HMCN2: variants seen among roughly 807,000 people sequenced by gnomAD.
HMCN2 encodes hemicentin 2, also known as hemicentin-2.
Under a neutral mutation model 377.5 loss-of-function variants are expected in HMCN2, and 325 were observed. That is an observed-to-expected ratio of 0.86 (90% CI 0.79 to 0.94). HMCN2 has a LOEUF of 0.94. HMCN2 is among the 40% of genes least tolerant of loss of function. The pLI is 0.00. For missense variants in HMCN2, 4,543 were observed against 4,725.3 expected, an observed-to-expected ratio of 0.96 and a Z score of 1.13; for synonymous variants, 2,007 against 2,046.8, an observed-to-expected ratio of 0.98 and a Z score of 0.53.
At chr9:130,283,781 C>T (rs1052715229) in intron 1 of HMCN2, among the ~76,000 whole-genome samples, 1 of 152,146 alleles carries the variant, frequency 6.6e-6, no homozygotes, top group African/African-American at 2.4e-5. Flanking sequence ...CAACCTGGTT[C>T]TGTGAATTTA....
chr9:130,270,106 T>A lies in HMCN2; in HGVS notation c.259+3969T>A, dbSNP rs554859723. 2.7e-5 allele frequency among the ~76,000 whole-genome samples: 4 copies of A among 148,118 alleles called. 1 individual carries two copies. The highest frequency in any genetic ancestry group is 4.5e-5 in the Non-Finnish European group (3 of 65,948). On this transcript the variant is annotated intron_variant, in intron 1 of 97. Transcript: ENST00000683500. Reference sequence around the variant, plus strand: ...GATTACAGGCATGAGCTACCATGCCTGGCCTTAACTGTTTCTTTTTTTTTT... The same window carrying A: ...GATTACAGGCATGAGCTACCATGCCAGGCCTTAACTGTTTCTTTTTTTTTT...
At chr9:130,397,848 G>A (rs1283024073) in intron 74 of HMCN2, among the ~76,000 whole-genome samples, 193 bp downstream of exon 74, 6 of 152,078 alleles carry the variant, frequency 3.9e-5, no homozygotes, top group African/African-American at 1.2e-4. Flanking sequence ...CATATATTAC[G>A]TAACAGAACA....
rs1554937229 is a variant in HMCN2, at chr9:130,307,450, C to T, written c.2087-3C>T. On this transcript the variant is annotated splice_polypyrimidine_tract_variant and splice_region_variant and intron_variant, in intron 13 of 97. Coordinates refer to ENST00000683500, the MANE Select transcript of HMCN2 (RefSeq NM_001291815.2). ...CCAAATTCTGCATCTCTTCCCCACACAGACCCACCGTCGGTCTCTGCTGTA... is the reference window on the plus strand; with the variant it reads ...CCAAATTCTGCATCTCTTCCCCACATAGACCCACCGTCGGTCTCTGCTGTA... 2.1e-6 allele frequency: 1 copy of T among 471,018 alleles called. No individual in the cohort carries two copies. Among genetic ancestry groups the T allele is most frequent in the African/African-American group, 2.0e-5 (1 of 50,192 alleles). The allele number at this position is 471,018 out of a possible 1,614,324, so 29.2% of individuals were successfully genotyped here.
intron 18 of HMCN2, 139 bp from the exon 19 acceptor site, chr9:130,321,648 A>G (rs1361568939): frequency 3.3e-5 from 5 of 152,276 alleles, no homozygotes; most frequent in Non-Finnish European, 7.3e-5. Flanking sequence ...AGAGCTCCTC[A>G]GCCTTCTCTG....
rs2131807507 is a variant in HMCN2, at chr9:130,423,884, A to C, written c.13382-892A>C. On this transcript the variant is annotated intron_variant, in intron 87 of 97. Transcript: ENST00000683500. This position sits in a 1 kb window ranked among gnomAD's most constrained non-coding sequence, Gnocchi z 5.5. ...TTCAACTCAGCAAATATATAATGAC[A>C]GTCTGTGGAGTCCCTGGCTCCGTGG... is the stretch of plus-strand genomic sequence containing the variant. Among the ~76,000 whole-genome samples, 1 of 152,318 alleles carries C rather than the reference A, an allele frequency of 6.6e-6. No individual in the cohort carries two copies. The highest frequency in any genetic ancestry group is 1.9e-4 in the East Asian group (1 of 5,190).
At position 130,360,461 on chromosome 9, in the gene HMCN2, C is replaced by T. The variant is rs1284549731; in HGVS notation, c.5807C>T (p.Ser1936Phe). The change falls in exon 38 of 98, where the codon TCT (serine) becomes TTT (phenylalanine). Residue 1936 changes from serine to phenylalanine, a missense_variant. Physicochemically the swap from Ser to Phe is radical, Grantham distance 155. Coordinates refer to ENST00000683500, the MANE Select transcript of HMCN2 (RefSeq NM_001291815.2). This position sits in a 1 kb window ranked among gnomAD's most constrained non-coding sequence, Gnocchi z 4.7. ...TGGTTCAAGGGCCACCAACCTGTCT[C>T]TTCATGGATGGGAGTGACAGTATCA... ...VSWFKGHQPV[S>F]SWMGVTVSVD... 3.8e-6 allele frequency: 5 copies of T among 1,303,388 alleles called. No homozygotes were observed. The highest frequency in any genetic ancestry group is 5.1e-6 in the Non-Finnish European group (5 of 988,538). 80.7% of individuals were successfully genotyped at this position (1,303,388 alleles called of 1,614,324 possible). A position where few individuals can be genotyped will look rare whatever the true frequency, so the allele number is the denominator to read the frequency against.
Position 130,353,020 on chromosome 9 carries a change from C to G in HMCN2, c.4679C>G (p.Pro1560Arg). ...VQLLCEARGVPTPNITWFKDG... is the reference protein window; with the variant it reads ...VQLLCEARGVRTPNITWFKDG... ...CTCCTGTGTGAGGCTCGAGGAGTGCCCACCCCAAACATCACCTGGTTCAAG... is the reference window on the plus strand; with the variant it reads ...CTCCTGTGTGAGGCTCGAGGAGTGCGCACCCCAAACATCACCTGGTTCAAG... The change falls in exon 31 of 98, where the codon CCC (proline) becomes CGC (arginine). Residue 1560 changes from proline to arginine, a missense_variant. Transcript: ENST00000683500. The G allele has an allele frequency of 1.5e-6, 2 of 1,304,144 alleles. No homozygotes were observed. The highest frequency in any genetic ancestry group is 2.0e-6 in the Non-Finnish European group (2 of 988,894). 80.8% of individuals were successfully genotyped at this position (1,304,144 alleles called of 1,614,324 possible).
chr9:130,379,034 A>G (rs557645542), intron 53 of HMCN2, among the ~76,000 whole-genome samples: 2 of 152,292 alleles, frequency 1.3e-5, no homozygotes, highest in Non-Finnish European at 2.9e-5. Context: ...TGAGCTGCTT[A>G]GGGAATGAGC....
chr9:130,296,209 G>T (rs1265402083), intron 6 of HMCN2, among the ~76,000 whole-genome samples: 2 of 152,204 alleles, frequency 1.3e-5, no homozygotes, highest in Non-Finnish European at 2.9e-5. Flanking sequence ...GGATGGGCAG[G>T]CTGCTGCCCT....
rs1362306668 is a variant in HMCN2, at chr9:130,269,217, G to T, written c.259+3080G>T. On this transcript the variant is annotated intron_variant, in intron 1 of 97. Transcript: ENST00000683500. ...CTAAATTAAAAATTGTATGTTCCCAGAGTAGAAAAGTTAGAAATTTGCTAA... is the reference window on the plus strand; with the variant it reads ...CTAAATTAAAAATTGTATGTTCCCATAGTAGAAAAGTTAGAAATTTGCTAA... Among the ~76,000 whole-genome samples, 5 of 145,520 alleles carry T rather than the reference G, an allele frequency of 3.4e-5. 1 individual carries two copies. Among genetic ancestry groups the T allele is most frequent in the South Asian group, 4.5e-4 (2 of 4,470 alleles).
At chr9:130,348,327 C>T (rs1029784242) in intron 26 of HMCN2, among the ~76,000 whole-genome samples, 1 of 152,228 alleles carries the variant, frequency 6.6e-6, no homozygotes, top group Non-Finnish European at 1.5e-5. Flanking sequence ...GAAAGGGTGA[C>T]ACCTGGGCCT....
At position 130,361,782 on chromosome 9, in the gene HMCN2, C is replaced by T. The variant is rs1564816831; in HGVS notation, c.5951-226C>T. Among the ~76,000 whole-genome samples, 3 of 152,188 alleles carry T rather than the reference C, an allele frequency of 2.0e-5. No individual in the cohort carries two copies. The highest frequency in any genetic ancestry group is 2.1e-4 in the South Asian group (1 of 4,824). ...TGGTCAGCCTTGGGCAGGTGACTTC[C>T]CCTCTGTCAGCCTCAGTTTCCCATC... is the stretch of plus-strand genomic sequence containing the variant. On this transcript the variant is annotated intron_variant, in intron 38 of 97. Transcript: ENST00000683500. The surrounding 1 kb of genome is among the most constrained non-coding windows in gnomAD (Gnocchi z 4.8).
intron 31 of HMCN2, among the ~76,000 whole-genome samples, chr9:130,353,779 G>A (rs570802031): frequency 6.6e-6 from 1 of 152,304 alleles, no homozygotes; most frequent in African/African-American, 2.4e-5. Flanking sequence ...GCCCTGAGGG[G>A]CTTGGCTCTG....
intron 1 of HMCN2, among the ~76,000 whole-genome samples, chr9:130,275,581 C>G (rs1834646055): frequency 6.6e-6 from 1 of 152,176 alleles, no homozygotes; most frequent in Non-Finnish European, 1.5e-5. Flanking sequence ...TCCTGAGTAG[C>G]TGGGATTACA....
In HMCN2 at chr9:130,383,489, T is replaced by G. The variant is rs1373038847; in HGVS notation, c.8734-15T>G. ...GTCTCAGGTATCTCCCAGGCATGGC[T>G]CCCTGCACCCACAGGTTTCCACGGC... On this transcript the variant is annotated splice_polypyrimidine_tract_variant and intron_variant, in intron 56 of 97. Transcript: ENST00000683500. The G allele has an allele frequency of 1.0e-6, 1 of 984,564 alleles. No individual in the cohort carries two copies. The highest frequency in any genetic ancestry group is 1.2e-6 in the Non-Finnish European group (1 of 828,922). The allele number at this position is 984,564 out of a possible 1,614,324, so 61.0% of individuals were successfully genotyped here.
rs1554926933 is a variant in HMCN2, at chr9:130,284,650, G to C, written c.307G>C (p.Glu103Gln). The C allele has an allele frequency of 2.1e-6, 1 of 471,070 alleles. No individual in the cohort carries two copies. The highest frequency in any genetic ancestry group is 4.4e-6 in the Non-Finnish European group (1 of 227,070). 29.2% of individuals were successfully genotyped at this position (471,070 alleles called of 1,614,324 possible). The change falls in exon 2 of 98, where the codon GAG becomes CAG. Residue 103 changes from glutamate to glutamine, a missense_variant. Transcript: ENST00000683500. ...LTADPTVFQR[E>Q]LRELYVQGGG... ...GGCGGACCCCACAGTGTTTCAGAGG[G>C]AGCTGAGAGAACTCTACGTGCAGGT...
rs1554972519 is a variant in HMCN2 at position 130,416,105 on chromosome 9, T to TTA, written c.12962-2666_12962-2665insAT. ...TCCAAAGTTCTAGAGGCTTTATTTT[T>TTA]TTTTTTTTTTTTTTTTGGAGACAGA... On this transcript the variant is annotated intron_variant, in intron 85 of 97. Coordinates refer to ENST00000683500, the MANE Select transcript of HMCN2 (RefSeq NM_001291815.2). Among the ~76,000 whole-genome samples the TTA allele has an allele frequency of 1.8e-4, 26 of 145,954 alleles. No homozygotes were observed. The East Asian group carries it at 4.8e-3, about 27-fold the overall frequency.
intron 85 of HMCN2, 77 bp from the exon 86 acceptor site, chr9:130,418,695 G>T: frequency 8.2e-7 from 1 of 1,212,644 alleles, no homozygotes; most frequent in Non-Finnish European, 1.1e-6. Context: ...ATTTCCCAGT[G>T]TGTCTAAATG....
intron 2 of HMCN2, 89 bp from the exon 3 acceptor site, chr9:130,285,068 TC>T (rs1311585171): frequency 4.7e-6 from 2 of 423,764 alleles, no homozygotes; most frequent in African/African-American, 4.1e-5. Context: ...TCAAGGTGAC[TC>T]CCTATGCCCA....
Sources: gnomAD v4.1 joint callset for allele counts (sites outside exome capture counted in the v4.1 genomes callset) on GRCh38, gnomAD v4.1.1 for gene constraint, Gnocchi (gnomAD v3.1) non-coding constraint, MANE v1.5 for transcripts, NCBI Gene and HGNC (gene_info 2026-07-23, HGNC 2026-07-21) for gene names.